Variants in YTHDF1 observed in about 807,000 individuals in gnomAD.
The protein encoded by YTHDF1 is YTH N6-methyladenosine RNA binding protein F1.
Under a neutral mutation model 49.1 loss-of-function variants are expected in YTHDF1, and 16 were observed. That is an observed-to-expected ratio of 0.33 (90% confidence interval 0.22 to 0.49). The LOEUF is 0.49. Among genes scored for constraint, YTHDF1 ranks in the 20% least tolerant of loss-of-function variants. The pLI is 0.99. For synonymous variants in YTHDF1, 313 were observed against 290.1 expected (o/e 1.08, Z -0.80); for missense variants, 621 against 744.3 (o/e 0.83, Z 1.93).
At chr20:63,196,818 T>A in intron 4 of YTHDF1, 84 bp from the exon 5 acceptor site, 1 of 1,533,158 alleles carries the variant, frequency 6.5e-7, no homozygotes, top group Non-Finnish European at 9.0e-7. Context: ...GGCTGCCCCT[T>A]AGCAGCACCT....
rs1021584375 is a variant in YTHDF1, at chr20:63,195,625, C to T, written c.*1083G>A. On this transcript the variant is annotated 3_prime_UTR_variant, in exon 5 of 5. Transcript: ENST00000370339. ...TTCAGAAAGCGTCTGCTCTCTAGGA[C>T]GGTAAGGATCCTCTACAAGGGCACG... 4 of 152,544 alleles carry T rather than the reference C, an allele frequency of 2.6e-5. No homozygotes were observed. Among genetic ancestry groups the T allele is most frequent in the South Asian group, 2.1e-4 (1 of 4,824 alleles). The allele number at this position is 152,544 out of a possible 1,614,324, so 9.4% of individuals were successfully genotyped here. A position where few individuals can be genotyped will look rare whatever the true frequency, so the allele number is the denominator to read the frequency against.
intron 2 of YTHDF1, among the ~76,000 whole-genome samples, chr20:63,215,106 G>A (rs966657257): frequency 1.3e-5 from 2 of 152,228 alleles, no homozygotes; most frequent in Non-Finnish European, 2.9e-5. Flanking sequence ...TCACTTAACA[G>A]TTTTCACATG....
intron 2 of YTHDF1, 111 bp from the exon 3 acceptor site, chr20:63,214,054 CTTTAA>C: frequency 7.0e-7 from 1 of 1,438,300 alleles, no homozygotes; most frequent in Non-Finnish European, 9.2e-7. Flanking sequence ...AGAAATTATG[CTTTAA>C]TTTTAAAAGG....
chr20:63,209,728 A>AC (rs1475419042), intron 3 of YTHDF1, among the ~76,000 whole-genome samples: 33 of 152,330 alleles, frequency 2.2e-4, no homozygotes, highest in African/African-American at 7.9e-4. Context: ...ACAAAACAAA[A>AC]AAACCAAAAA....
Position 63,202,923 on chromosome 20 carries a change from C to T in YTHDF1, c.1017G>A (p.Gly339=), listed in dbSNP as rs555572444. ...TATCGCTGCCAGCCCCTCCGCTCTGCCCAAACGCCGCGTTTCTGTTGCGTG... is the reference window on the plus strand; with the variant it reads ...TATCGCTGCCAGCCCCTCCGCTCTGTCCAAACGCCGCGTTTCTGTTGCGTG... ...VAPRNRNAAF[G]QSGGAGSDSN... Residue 339 remains glycine, a synonymous_variant, in exon 4 of 5, where the codon GGG becomes GGA. Transcript: ENST00000370339. The T allele has an allele frequency of 4.8e-5, 78 of 1,614,086 alleles. No individual in the cohort carries two copies. In the South Asian group the frequency reaches 8.3e-4, roughly 17 times the overall value.
chr20:63,214,141 G>A (rs989980719), intron 2 of YTHDF1, 198 bp from the exon 3 acceptor site: 1 of 968,542 alleles, frequency 1.0e-6, no homozygotes, highest in Non-Finnish European at 1.2e-6. Context: ...AATAATTTAG[G>A]ATAAATTTTA....
Position 63,202,287 on chromosome 20 carries a change from C to T in YTHDF1, c.1653G>A (p.Lys551=), listed in dbSNP as rs781408107. The T allele has an allele frequency of 6.2e-7, 1 of 1,610,790 alleles. No homozygotes were observed. Among genetic ancestry groups the T allele is most frequent in the Non-Finnish European group, 8.5e-7 (1 of 1,177,778 alleles). ...KRQEEEEVVR[K]ERQSRNKQ is the part of the protein sequence containing the mutation. ...AGTTGCCTGCAACACCCAGCCTCACCTTGCGCACCACCTCCTCCTCCTCCT... is the reference window on the plus strand; with the variant it reads ...AGTTGCCTGCAACACCCAGCCTCACTTTGCGCACCACCTCCTCCTCCTCCT... Residue 551 remains lysine (K), a splice_region_variant and synonymous_variant, in exon 4 of 5, where the codon AAG becomes AAA. Transcript: ENST00000370339.
rs770943895 is a variant in YTHDF1 at position 63,203,598 on chromosome 20, G to A, written c.342C>T (p.Asn114=). 9.9e-6 allele frequency: 16 copies of A among 1,614,040 alleles called. No homozygotes were observed. The East Asian group carries it at 3.1e-4, about 31-fold the overall frequency. ...VFGQPGGLGN[N]IYQHRFNFFP... Reference sequence around the variant, plus strand: ...AAAAATTGAACCTGTGCTGATAGATGTTGTTCCCCAGGCCCCCAGGCTGCC... The same window carrying A: ...AAAAATTGAACCTGTGCTGATAGATATTGTTCCCCAGGCCCCCAGGCTGCC... Residue 114 remains asparagine, a synonymous_variant, in exon 4 of 5, where the codon AAC becomes AAT. Transcript: ENST00000370339. The surrounding 1 kb of genome is among the most constrained non-coding windows in gnomAD (Gnocchi z 4.4).
At chr20:63,202,139 G>T in intron 4 of YTHDF1, 148 bp downstream of exon 4, 1 of 1,040,756 alleles carries the variant, frequency 9.6e-7, no homozygotes, top group Non-Finnish European at 1.4e-6. Context: ...CAGGACCTGG[G>T]CCCGCCCACC....
intron 3 of YTHDF1, among the ~76,000 whole-genome samples, chr20:63,204,462 T>A (rs1418090894): frequency 1.3e-5 from 2 of 152,144 alleles, no homozygotes; most frequent in Non-Finnish European, 2.9e-5. Flanking sequence ...TCCAAGGGGG[T>A]TCACATTCCC....
intron 3 of YTHDF1, among the ~76,000 whole-genome samples, chr20:63,212,865 A>G (rs1455075216): frequency 6.6e-6 from 1 of 152,224 alleles, no homozygotes; most frequent in Non-Finnish European, 1.5e-5. Flanking sequence ...TAAACATCCA[A>G]CAATGCACAG....
At position 63,202,363 on chromosome 20, in the gene YTHDF1, TA is replaced by T; in HGVS notation, c.1576del (p.Tyr526ThrfsTer44). ...GTCGAAGATGGAGGTTGTGTGCTTG[TA>T]GGAACTGATAATTTTCAGCACTTGC... ...AKQVLKIISS[Y>X]KHTTSIFDDF... is the part of the protein sequence containing the mutation. On this transcript the variant is annotated frameshift_variant, in exon 4 of 5. Coordinates refer to ENST00000370339, the MANE Select transcript of YTHDF1 (RefSeq NM_017798.4). LOFTEE classifies it high-confidence loss of function. 6.2e-7 allele frequency: 1 copy of T among 1,614,274 alleles called. No individual in the cohort carries two copies. Among genetic ancestry groups the T allele is most frequent in the Non-Finnish European group, 8.5e-7 (1 of 1,180,042 alleles).
chr20:63,200,693 T>C (rs545776664), intron 4 of YTHDF1, among the ~76,000 whole-genome samples: 3 of 152,304 alleles, frequency 2.0e-5, no homozygotes, highest in South Asian at 4.1e-4. Context: ...ATAATGCAAG[T>C]TGTAGGACAC....
intron 3 of YTHDF1, among the ~76,000 whole-genome samples, chr20:63,208,494 G>A (rs972293333): frequency 2.6e-5 from 4 of 152,178 alleles, no homozygotes; most frequent in African/African-American, 9.7e-5. Flanking sequence ...CTGTTTTCAG[G>A]ACTGGTCCCT....
rs1050282033 is a variant in YTHDF1 at position 63,203,476 on chromosome 20, G to A, written c.464C>T (p.Pro155Leu). 8.7e-6 allele frequency: 14 copies of A among 1,613,014 alleles called. No individual in the cohort carries two copies. The highest frequency in any genetic ancestry group is 1.1e-5 in the Non-Finnish European group (13 of 1,179,754). Residue 155 changes from proline to leucine, a missense_variant, in exon 4 of 5, where the codon CCG (proline) becomes CTG (leucine). Physicochemically the swap from Pro to Leu is moderately conservative, Grantham distance 98 (BLOSUM62 -3). Coordinates refer to ENST00000370339, the MANE Select transcript of YTHDF1 (RefSeq NM_017798.4). This position sits in a 1 kb window ranked among gnomAD's most constrained non-coding sequence, Gnocchi z 4.4. ...AACCACCGTGCCACCCAGGGAGCTC[G>A]GGGGGTAGGTGTAGCTGCTCCCATA... Reference protein sequence around the residue: ...SAYGSSYTYPPSSLGGTVVDG... With the variant: ...SAYGSSYTYPLSSLGGTVVDG...
In YTHDF1 at chr20:63,216,040, G is replaced by C; in HGVS notation, c.-148C>G. On this transcript the variant is annotated 5_prime_UTR_variant, in exon 1 of 5. Transcript: ENST00000370339. ...CGGGCGGCGGCGGCGGCTGCTGGGC[G>C]CGCGGGCCCCTGGCGAGGCGGCAGC... The C allele has an allele frequency of 1.7e-6, 1 of 596,890 alleles. No individual in the cohort carries two copies. Among genetic ancestry groups the C allele is most frequent in the Non-Finnish European group, 2.1e-6 (1 of 476,044 alleles). 37.0% of individuals were successfully genotyped at this position (596,890 alleles called of 1,614,324 possible).
chr20:63,212,710 A>G (rs1256524115), intron 3 of YTHDF1, among the ~76,000 whole-genome samples: 1 of 152,180 alleles, frequency 6.6e-6, no homozygotes, highest in Non-Finnish European at 1.5e-5. Context: ...AGCACAGAGG[A>G]GAGAGAGCAG....
rs1446425004 is a variant in YTHDF1 at position 63,203,022 on chromosome 20, T to A, written c.918A>T (p.Pro306=). ...GTTGAGCCAAAGCTGGGGGCTGTGC[T>A]GGGAGAGGCTGAGCCACCTGCTGGG... The part of the protein sequence containing the change: ...PQPQQVAQPL[P]AQPPALAQPQ... The change falls in exon 4 of 5, where the codon CCA becomes CCT. Residue 306 remains proline, a synonymous_variant. Transcript: ENST00000370339. This position sits in a 1 kb window ranked among gnomAD's most constrained non-coding sequence, Gnocchi z 4.4. 6.2e-7 allele frequency: 1 copy of A among 1,609,324 alleles called. No homozygotes were observed. The highest frequency in any genetic ancestry group is 1.1e-5 in the South Asian group (1 of 90,778).
rs1297127855 is a variant in YTHDF1 at position 63,203,970 on chromosome 20, T to A, written c.133-163A>T. Among the ~76,000 whole-genome samples the A allele has an allele frequency of 6.6e-6, 1 of 152,078 alleles. No homozygotes were observed. Among genetic ancestry groups the A allele is most frequent in the Non-Finnish European group, 1.5e-5 (1 of 68,008 alleles). The stretch of plus-strand genomic sequence containing the variant: ...TGTAGTCGCCAATGTGAGAACCAAA[T>A]CAAGACAGAGAAATTAATAACGAAC... On this transcript the variant is annotated intron_variant, in intron 3 of 4. Coordinates refer to ENST00000370339, the MANE Select transcript of YTHDF1 (RefSeq NM_017798.4). This position sits in a 1 kb window ranked among gnomAD's most constrained non-coding sequence, Gnocchi z 4.4.
Sources: allele counts gnomAD v4.1 joint callset (sites outside exome capture counted in the v4.1 genomes callset), GRCh38; gene constraint gnomAD v4.1.1; non-coding constraint Gnocchi (gnomAD v3.1); transcripts MANE v1.5; gene names NCBI Gene and HGNC (gene_info 2026-07-23, HGNC 2026-07-21).